DNASE1: variants seen among roughly 807,000 people sequenced by gnomAD.
DNASE1 encodes the protein deoxyribonuclease 1.
DNASE1 carries 40 observed loss-of-function variants against 33.9 expected under a neutral mutation model. The observed-to-expected ratio is 1.18, with a 90% CI of 0.92 to 1.54. The LOEUF (loss-of-function observed/expected upper bound fraction) is 1.54. Among genes scored for constraint, DNASE1 ranks in the 40% most tolerant of loss-of-function variants. The pLI, the probability that DNASE1 is intolerant of heterozygous loss-of-function variation, is 0.00. For missense variants in DNASE1, 518 were observed against 372.6 expected (o/e 1.39, Z -3.21); for synonymous variants, 216 against 160.0 (o/e 1.35, Z -2.64).
intron 1 of DNASE1, among the ~76,000 whole-genome samples, chr16:3,613,487 C>T (rs543204333): frequency 1.3e-5 from 2 of 152,270 alleles, no homozygotes; most frequent in South Asian, 4.1e-4. Context: ...GGTAAGACTA[C>T]ATTTGATTCT....
At chr16:3,663,832 G>A in exon 10 of DNASE1, 4 of 456,024 alleles carry the variant, frequency 8.8e-6, no homozygotes, top group Non-Finnish European at 1.6e-5. Context: ...CCAGCACTTT[G>A]GGAGGCCAAA....
intron 1 of DNASE1, among the ~76,000 whole-genome samples, chr16:3,625,823 T>G (rs915603636): frequency 1.3e-5 from 2 of 152,168 alleles, no homozygotes; most frequent in African/African-American, 4.8e-5. Flanking sequence ...TAAAGGGCTG[T>G]GCATGGTGGC....
chr16:3,663,005 T>TC, downstream of DNASE1: 1 of 1,526,652 alleles, frequency 6.6e-7, no homozygotes. Flanking sequence ...CAGGCCTGCA[T>TC]CCCAACTCCC....
At chr16:3,630,447 C>T (rs1377662940) in intron 1 of DNASE1, among the ~76,000 whole-genome samples, 4 of 152,132 alleles carry the variant, frequency 2.6e-5, no homozygotes. Flanking sequence ...CTCCCAAAGT[C>T]TGGGATTACG....
intron 7 of DNASE1, 96 bp from the exon 8 acceptor site, chr16:3,657,624 T>G: frequency 6.6e-7 from 1 of 1,522,718 alleles, no homozygotes; most frequent in Non-Finnish European, 8.9e-7. Context: ...AGACCTGCAC[T>G]GGCAGGTCCC....
At chr16:3,639,028 T>C (rs2041955989), upstream of DNASE1, among the ~76,000 whole-genome samples, 1 of 152,228 alleles carries the variant, frequency 6.6e-6, no homozygotes, top group Non-Finnish European at 1.5e-5. Context: ...CTATTGTCCT[T>C]GTCTGCTAGT....
intron 1 of DNASE1, among the ~76,000 whole-genome samples, chr16:3,618,085 C>CAAAAAAAAAAAAAAAAAAA (rs71392849): frequency 9.6e-6 from 1 of 104,194 alleles, no homozygotes; most frequent in South Asian, 2.9e-4. Flanking sequence ...AAGCCAAGAC[C>CAAAAAAAAAAAAAAAAAAA]AAAAAAAAAA....
intron 1 of DNASE1, among the ~76,000 whole-genome samples, chr16:3,647,094 C>T (rs764769296): frequency 5.3e-5 from 8 of 152,038 alleles, no homozygotes; most frequent in Admixed American, 1.3e-4. Context: ...CCTAAGCAGG[C>T]GTGACCAGAC....
At chr16:3,632,652 C>T (rs987224489) in intron 1 of DNASE1, among the ~76,000 whole-genome samples, 8 of 150,958 alleles carry the variant, frequency 5.3e-5, no homozygotes, top group Non-Finnish European at 1.0e-4. Flanking sequence ...GTAGCTTGAT[C>T]TCAGCTCCCT....
At chr16:3,612,704 C>T (rs113364134) in intron 1 of DNASE1, among the ~76,000 whole-genome samples, 14 of 152,198 alleles carry the variant, frequency 9.2e-5, no homozygotes, top group African/African-American at 3.1e-4. Context: ...CCACCACGCC[C>T]GGCGTAAGAT....
Position 3,655,101 on chromosome 16 carries a change from G to A in DNASE1, c.-2+57G>A. 1.2e-5 allele frequency: 7 copies of A among 595,530 alleles called. No individual in the cohort carries two copies. The South Asian group carries it at 1.4e-4, about 12-fold the overall frequency. 36.9% of individuals were successfully genotyped at this position (595,530 alleles called of 1,614,324 possible). On this transcript the variant is annotated intron_variant, in intron 1 of 8. Coordinates refer to ENST00000246949, the MANE Select transcript of DNASE1 (RefSeq NM_005223.4). ...TGGCCGGTTTGGAGCAGGGAGGGAG[G>A]CTTAGAGTCTCATCCTCCAGCAGCG...
At chr16:3,663,767 T>C in exon 10 of DNASE1, 1 of 609,444 alleles carries the variant, frequency 1.6e-6, no homozygotes, top group Admixed American at 3.0e-5. Flanking sequence ...GCAGAAGCAC[T>C]CCACGCATAA....
Position 3,657,641 on chromosome 16 carries a change from C to G in DNASE1, c.705-79C>G, listed in dbSNP as rs911777879. The G allele has an allele frequency of 8.9e-6, 14 of 1,578,512 alleles. No homozygotes were observed. In the Admixed American group the frequency reaches 2.3e-4, roughly 26 times the overall value. On this transcript the variant is annotated intron_variant, in intron 7 of 8. Transcript: ENST00000246949. ...ACCTGCACTGGCAGGTCCCAGGGCT[C>G]TTAGTTTAGTTCCTGCGGGTGCTGA...
rs56670885 is a variant in DNASE1 at position 3,617,326 on chromosome 16, C to CAAAAAAAAAAAAAAAAAAA, written c.-1359+5329_-1359+5347dup. ...AGTCAACAAGAGCGAAACTCCATCT[C>CAAAAAAAAAAAAAAAAAAA]AAAAAAAAAAAAAAAAAAAAAAAAA... On this transcript the variant is annotated intron_variant and NMD_transcript_variant, in intron 1 of 11. Coordinates refer to the DNASE1 transcript ENST00000570769. 9.5e-4 allele frequency among the ~76,000 whole-genome samples: 55 copies of CAAAAAAAAAAAAAAAAAAA among 57,704 alleles called. 1 individual carries two copies. The highest frequency in any genetic ancestry group is 3.1e-3 in the African/African-American group (40 of 12,912). The allele number at this position is 57,704 out of a possible 152,430, so 37.9% of individuals were successfully genotyped here. A position where few individuals can be genotyped will look rare whatever the true frequency, so the allele number is the denominator to read the frequency against.
chr16:3,664,187 G>A (rs1004979162), exon 10 of DNASE1: 5 of 1,375,706 alleles, frequency 3.6e-6, no homozygotes, highest in Non-Finnish European at 4.8e-6. Context: ...GGAGTCTTGG[G>A]CAGGTTCACC....
intron 3 of DNASE1, 61 bp from the exon 4 acceptor site, chr16:3,656,041 C>T (rs901063189): frequency 7.4e-6 from 12 of 1,610,840 alleles, no homozygotes; most frequent in Middle Eastern, 1.7e-4. Context: ...GCCTCGCTAT[C>T]GGCAGCCAGA....
At chr16:3,640,487 G>A (rs534168407), upstream of DNASE1, among the ~76,000 whole-genome samples, 56 of 152,322 alleles carry the variant, frequency 3.7e-4, 1 homozygote, top group South Asian at 0.012. Context: ...GTGCTCTCTT[G>A]TCTCCCTTAT....
intron 1 of DNASE1, among the ~76,000 whole-genome samples, chr16:3,613,800 C>G (rs113830714): frequency 3.3e-5 from 5 of 152,172 alleles, no homozygotes; most frequent in African/African-American, 1.2e-4. Flanking sequence ...GTTGCCCAGG[C>G]TGGAGCGCAG....
intron 1 of DNASE1, among the ~76,000 whole-genome samples, chr16:3,637,174 GT>G (rs1381222335): frequency 2.6e-5 from 4 of 152,120 alleles, no homozygotes; most frequent in Non-Finnish European, 5.9e-5. Flanking sequence ...AGCCTTTGGT[GT>G]GAGTTTTTTA....
Sources: allele counts gnomAD v4.1 joint callset (sites outside exome capture counted in the v4.1 genomes callset), GRCh38; gene constraint gnomAD v4.1.1; transcripts MANE v1.5; gene names NCBI Gene and HGNC (gene_info 2026-07-23, HGNC 2026-07-21).